The following UHMK1 variants were observed in gnomAD, a reference collection of about 807,000 sequenced individuals.
UHMK1 encodes serine/threonine-protein kinase Kist.
A neutral mutation model predicts 44.0 loss-of-function variants in UHMK1; 18 were observed. The ratio of observed to expected loss-of-function variants is 0.41; its 90% confidence interval spans 0.28 to 0.61. The LOEUF is 0.61. Ranked by LOEUF, UHMK1 falls within the 20% of genes least tolerant of loss-of-function variation. The pLI, the probability that UHMK1 is intolerant of heterozygous loss-of-function variation, is 0.31. For missense variants in UHMK1, 463 were observed against 522.5 expected, an observed-to-expected ratio of 0.89 and a Z score of 1.11; for synonymous variants, 231 against 198.5, an observed-to-expected ratio of 1.16 and a Z score of -1.38.
intron 6 of UHMK1, chr1:162,513,028 C>A (rs760959105): frequency 1.5e-5 from 7 of 477,594 alleles, no homozygotes; most frequent in Non-Finnish European, 2.6e-5. Context: ...TCTCAGCTCA[C>A]TGCAACCTCT....
chr1:162,507,587 T>TTC (rs1651518863), intron 4 of UHMK1, among the ~76,000 whole-genome samples: 1 of 147,408 alleles, frequency 6.8e-6, no homozygotes, highest in Admixed American at 6.8e-5. Context: ...CTTTCTTTTT[T>TTC]TTTTTCTTTT....
intron 4 of UHMK1, among the ~76,000 whole-genome samples, chr1:162,505,702 G>A (rs1651444101): frequency 6.6e-6 from 1 of 152,098 alleles, no homozygotes; most frequent in South Asian, 2.1e-4. Flanking sequence ...TTAAATAGTA[G>A]GTTTTTCAGA....
rs1443484278 is a variant in UHMK1, at chr1:162,529,618, C to G, written c.*7068C>G. ...TAAAAGCTTAAAAATAAAGGAGTTG[C>G]TTTTTAATTTCAACTTTTTCTATAC... On this transcript the variant is annotated 3_prime_UTR_variant, in exon 8 of 8. Coordinates refer to ENST00000489294, the MANE Select transcript of UHMK1 (RefSeq NM_175866.5). 6.6e-6 allele frequency: 1 copy of G among 152,064 alleles called. No individual in the cohort carries two copies. Among genetic ancestry groups the G allele is most frequent in the African/African-American group, 2.4e-5 (1 of 41,416 alleles). 9.4% of individuals were successfully genotyped at this position (152,064 alleles called of 1,614,324 possible).
intron 4 of UHMK1, among the ~76,000 whole-genome samples, chr1:162,504,175 TC>T (rs1179856063): frequency 1.3e-5 from 2 of 152,022 alleles, no homozygotes; most frequent in African/African-American, 4.8e-5. Context: ...TTTGGACTAC[TC>T]CCCTCCCCCC....
In UHMK1 at chr1:162,507,059, T is replaced by C. The variant is rs115180023; in HGVS notation, c.848+3211T>C. Among the ~76,000 whole-genome samples, 362 of 152,304 alleles carry C rather than the reference T, an allele frequency of 2.4e-3. 1 individual carries two copies. Among genetic ancestry groups the C allele is most frequent in the Non-Finnish European group, 3.3e-3 (222 of 68,026 alleles). ...CTGTTCTTTTTGGTTTTCACTTTCATGTCCTCCTCGTCTACATACGTTTGA... is the reference window on the plus strand; with the variant it reads ...CTGTTCTTTTTGGTTTTCACTTTCACGTCCTCCTCGTCTACATACGTTTGA... On this transcript the variant is annotated intron_variant, in intron 4 of 7. Coordinates refer to ENST00000489294, the MANE Select transcript of UHMK1 (RefSeq NM_175866.5).
chr1:162,497,834 A>C lies in UHMK1; in HGVS notation c.-167A>C. 7.5e-7 allele frequency: 1 copy of C among 1,331,718 alleles called. No homozygotes were observed. Among genetic ancestry groups the C allele is most frequent in the Non-Finnish European group, 9.6e-7 (1 of 1,045,812 alleles). 82.5% of individuals were successfully genotyped at this position (1,331,718 alleles called of 1,614,324 possible). ...CCGGCTTCTGGGACTCGGGTGCACC[A>C]CGGCTTCCGGTGTCATGGCTGCTTG... is the stretch of plus-strand genomic sequence containing the variant. On this transcript the variant is annotated 5_prime_UTR_variant, in exon 1 of 8. Transcript: ENST00000489294.
chr1:162,519,919 G>A (rs1219322898), intron 7 of UHMK1, among the ~76,000 whole-genome samples: 1 of 152,000 alleles, frequency 6.6e-6, no homozygotes, highest in Non-Finnish European at 1.5e-5. Context: ...TTTTTTTTGA[G>A]ACAGGGTCTC....
chr1:162,509,450 A>G (rs925390417), intron 4 of UHMK1, among the ~76,000 whole-genome samples: 1 of 152,212 alleles, frequency 6.6e-6, no homozygotes, highest in Non-Finnish European at 1.5e-5. Context: ...ATTAGAATGT[A>G]TAACCCCTTA....
At position 162,499,965 on chromosome 1, in the gene UHMK1, T is replaced by C. The variant is rs747986458; in HGVS notation, c.279T>C (p.Tyr93=). ...AATTTCTTTTTCTAGTGACTTTGTA[T>C]GGAGTGTTTACAATCCACTTTTCTC... is the stretch of plus-strand genomic sequence containing the variant. ...LQGHRNIVTL[Y]GVFTIHFSPN... is the part of the protein sequence containing the mutation. The change falls in exon 2 of 8, where the codon TAT becomes TAC. Residue 93 remains tyrosine (Y), a synonymous_variant. Coordinates refer to ENST00000489294, the MANE Select transcript of UHMK1 (RefSeq NM_175866.5). The C allele has an allele frequency of 6.2e-7, 1 of 1,614,150 alleles. No homozygotes were observed. The highest frequency in any genetic ancestry group is 1.1e-5 in the South Asian group (1 of 91,072).
In UHMK1 at chr1:162,522,436, C is replaced by T. The variant is rs760474183; in HGVS notation, c.1146C>T (p.Ser382=). The change falls in exon 8 of 8, where the codon TCC becomes TCT. Residue 382 remains serine, a synonymous_variant. Coordinates refer to ENST00000489294, the MANE Select transcript of UHMK1 (RefSeq NM_175866.5). ...TTGAGTATGCAAATGCTGGTGATTC[C>T]AAAGCTGCGCAGAAATTACTGACTG... The part of the protein sequence containing the change: ...VFVEYANAGD[S]KAAQKLLTGR... The T allele has an allele frequency of 1.2e-6, 2 of 1,614,106 alleles. No individual in the cohort carries two copies. The highest frequency in any genetic ancestry group is 1.3e-5 in the African/African-American group (1 of 75,020).
At chr1:162,514,889 TAAG>T in intron 6 of UHMK1, among the ~76,000 whole-genome samples, 1 of 152,344 alleles carries the variant, frequency 6.6e-6, no homozygotes, top group Non-Finnish European at 1.5e-5. Flanking sequence ...ACGTAAGTTA[TAAG>T]TAAAAGTAGG....
At chr1:162,507,227 C>A (rs2101674917) in intron 4 of UHMK1, among the ~76,000 whole-genome samples, 1 of 151,760 alleles carries the variant, frequency 6.6e-6, no homozygotes, top group East Asian at 2.0e-4. Flanking sequence ...TCAAGCAATT[C>A]TCCCACATCA....
At chr1:162,499,764 T>C (rs971728485) in intron 1 of UHMK1, among the ~76,000 whole-genome samples, 191 bp from the exon 2 acceptor site, 3 of 152,190 alleles carry the variant, frequency 2.0e-5, no homozygotes, top group Non-Finnish European at 4.4e-5. Flanking sequence ...TTGTAGGCTG[T>C]CTCATCTTAT....
At chr1:162,497,291 G>C (rs897495852), upstream of UHMK1, 23 of 702,568 alleles carry the variant, frequency 3.3e-5, no homozygotes, top group African/African-American at 3.7e-4. Context: ...GACCTTAACC[G>C]GAGAGGTATG....
rs1229735440 is a variant in UHMK1 at position 162,497,916 on chromosome 1, G to A, written c.-85G>A. 16 of 1,432,106 alleles carry A rather than the reference G, an allele frequency of 1.1e-5. No homozygotes were observed. The highest frequency in any genetic ancestry group is 1.5e-5 in the Non-Finnish European group (16 of 1,097,926). 88.7% of individuals were successfully genotyped at this position (1,432,106 alleles called of 1,614,324 possible). A position where few individuals can be genotyped will look rare whatever the true frequency, so the allele number is the denominator to read the frequency against. On this transcript the variant is annotated 5_prime_UTR_variant, in exon 1 of 8. Transcript: ENST00000489294. Reference sequence around the variant, plus strand: ...TCCCTCCCTGCGGAGCCGCTGGTCCGGCTGGCGGAGATGTGACCGCGGGCC... The same window carrying A: ...TCCCTCCCTGCGGAGCCGCTGGTCCAGCTGGCGGAGATGTGACCGCGGGCC...
rs1359796603 is a variant in UHMK1 at position 162,498,220 on chromosome 1, C to T, written c.220C>T (p.Arg74Cys). 6.2e-7 allele frequency: 1 copy of T among 1,609,960 alleles called. No homozygotes were observed. Among genetic ancestry groups the T allele is most frequent in the Admixed American group, 1.7e-5 (1 of 59,628 alleles). ...AAASAAEYGF[R>C]KERAALEQLQ... ...GGCCTCTGCCGCCGAGTATGGTTTC[C>T]GCAAAGAGAGGGCGGCGCTGGAACA... The change falls in exon 1 of 8, where the codon CGC becomes TGC. Residue 74 changes from arginine to cysteine, a missense_variant. This residue lies in a region of UHMK1 where 191 missense variants were observed against 176.0 expected (regional missense o/e 1.09). Coordinates refer to ENST00000489294, the MANE Select transcript of UHMK1 (RefSeq NM_175866.5).
At chr1:162,506,229 C>A (rs972240174) in intron 4 of UHMK1, among the ~76,000 whole-genome samples, 1 of 140,336 alleles carries the variant, frequency 7.1e-6, no homozygotes, top group Non-Finnish European at 1.5e-5. Context: ...AATAGCCCCC[C>A]CCCCCCCACC....
chr1:162,510,078 C>T (rs191605630), intron 4 of UHMK1, among the ~76,000 whole-genome samples: 32 of 150,206 alleles, frequency 2.1e-4, no homozygotes, highest in Admixed American at 4.1e-4. Flanking sequence ...ACTATAACAG[C>T]ATCTCGGTCT....
intron 2 of UHMK1, chr1:162,500,474 G>T (rs553892212): frequency 1.9e-6 from 1 of 531,108 alleles, no homozygotes; most frequent in Non-Finnish European, 3.3e-6. Flanking sequence ...GAGAGCTCTG[G>T]AATTATTAAA....
Sources: gnomAD v4.1 joint callset for allele counts (sites outside exome capture counted in the v4.1 genomes callset) on GRCh38, gnomAD v4.1.1 for gene constraint, gnomAD v4.1.1 regional missense constraint, MANE v1.5 for transcripts, NCBI Gene and HGNC (gene_info 2026-07-23, HGNC 2026-07-21) for gene names.